The following POLR1D variants were observed in gnomAD, a reference collection of about 807,000 sequenced individuals.
POLR1D encodes the protein RNA polymerase I and III subunit D.
POLR1D carries 8 observed loss-of-function variants against 10.8 expected under a neutral mutation model. The ratio of observed to expected loss-of-function variants is 0.74; its 90% confidence interval spans 0.43 to 1.33. The LOEUF is 1.33. POLR1D is among the 40% of genes most tolerant of loss of function. The pLI, the probability that POLR1D is intolerant of heterozygous loss-of-function variation, is 0.01. For synonymous variants in POLR1D, 54 were observed against 57.2 expected, an observed-to-expected ratio of 0.94 and a Z score of 0.25; for missense variants, 152 against 161.7, an observed-to-expected ratio of 0.94 and a Z score of 0.32.
At chr13:27,636,447 C>A (rs770059097) in intron 1 of POLR1D, among the ~76,000 whole-genome samples, 1 of 152,002 alleles carries the variant, frequency 6.6e-6, no homozygotes, top group Admixed American at 6.5e-5. Context: ...TGGATCTTTA[C>A]CCAAACATTT....
At chr13:27,631,949 A>C (rs552020170) in intron 1 of POLR1D, among the ~76,000 whole-genome samples, 32 of 152,300 alleles carry the variant, frequency 2.1e-4, no homozygotes, top group African/African-American at 7.5e-4. Flanking sequence ...AAAATTATTG[A>C]GTGGGACAAG....
upstream of POLR1D, chr13:27,621,781 C>T (rs1368074307): frequency 9.6e-6 from 4 of 418,698 alleles, no homozygotes; most frequent in African/African-American, 6.3e-5. Flanking sequence ...CACCCCGCGT[C>T]GGGGCGGGGG....
chr13:27,626,613 G>A (rs980833181), downstream of POLR1D, among the ~76,000 whole-genome samples: 1 of 152,212 alleles, frequency 6.6e-6, no homozygotes, highest in African/African-American at 2.4e-5. Flanking sequence ...CCTGTGAAAA[G>A]TTAATCCGCA....
chr13:27,622,950 A>T lies in POLR1D; in HGVS notation c.102A>T (p.Gly34=). The change falls in exon 2 of 2, where the codon GGA becomes GGT. Residue 34 remains glycine, a synonymous_variant. Transcript: ENST00000302979. The part of the protein sequence containing the change: ...KTALEMVQAA[G]TDRHCVTFVL... ...CCCTGGAAATGGTCCAGGCAGCTGG[A>T]ACAGATAGACACTGTGTGACATTTG... 6.2e-7 allele frequency: 1 copy of T among 1,613,722 alleles called. No homozygotes were observed. Among genetic ancestry groups the T allele is most frequent in the Non-Finnish European group, 8.5e-7 (1 of 1,179,586 alleles).
At chr13:27,638,206 C>T (rs1041372667) in intron 1 of POLR1D, among the ~76,000 whole-genome samples, 2 of 152,194 alleles carry the variant, frequency 1.3e-5, no homozygotes, top group Admixed American at 1.3e-4. Flanking sequence ...TTCATCATCT[C>T]TTGCCTCTAA....
At chr13:27,635,184 C>T (rs570833219) in intron 1 of POLR1D, among the ~76,000 whole-genome samples, 3 of 152,006 alleles carry the variant, frequency 2.0e-5, no homozygotes, top group Non-Finnish European at 2.9e-5. Context: ...GTTAAGAACC[C>T]AAATAAAGGT....
intron 2 of POLR1D, chr13:27,664,817 C>T (rs1163053465): frequency 6.6e-6 from 1 of 152,102 alleles, no homozygotes; most frequent in Non-Finnish European, 1.5e-5. Context: ...ACCAGCCACC[C>T]TGAATAACAT....
intron 1 of POLR1D, among the ~76,000 whole-genome samples, chr13:27,642,793 A>T (rs1231611453): frequency 6.6e-6 from 1 of 152,228 alleles, no homozygotes; most frequent in South Asian, 2.1e-4. Context: ...TTTTATCCTC[A>T]TAACAACCCT....
chr13:27,643,840 T>C (rs78836899), intron 1 of POLR1D, among the ~76,000 whole-genome samples: 1,635 of 152,326 alleles, frequency 0.011, 28 homozygotes, highest in African/African-American at 0.038. Flanking sequence ...CAAATGATGC[T>C]GTACTCATTT....
downstream of POLR1D, among the ~76,000 whole-genome samples, chr13:27,627,173 T>A (rs760237310): frequency 7.9e-5 from 12 of 152,204 alleles, no homozygotes; most frequent in Non-Finnish European, 1.8e-4. Context: ...TGCTTTCAAG[T>A]ACTTATTAAG....
chr13:27,640,884 T>G (rs569975848), intron 1 of POLR1D, among the ~76,000 whole-genome samples: 5 of 152,226 alleles, frequency 3.3e-5, no homozygotes, highest in Non-Finnish European at 5.9e-5. Flanking sequence ...TGCCTCTTCC[T>G]GTATACTTTA....
upstream of POLR1D, chr13:27,621,866 G>A: frequency 1.8e-6 from 2 of 1,092,252 alleles, no homozygotes; most frequent in East Asian, 2.6e-5. Flanking sequence ...CCCTCCTTCC[G>A]TCCTCCGCGC....
exon 3 of POLR1D, chr13:27,665,730 A>G (rs777866161): frequency 6.2e-7 from 1 of 1,613,444 alleles, no homozygotes; most frequent in Non-Finnish European, 8.5e-7. Context: ...TTTCTAATTA[A>G]CACAATTAAA....
At chr13:27,646,491 G>A (rs573950690) in intron 1 of POLR1D, among the ~76,000 whole-genome samples, 1 of 152,300 alleles carries the variant, frequency 6.6e-6, no homozygotes, top group East Asian at 1.9e-4. Context: ...TCCATAAGAG[G>A]TTGGGCTGCG....
At chr13:27,627,705 C>T (rs1230546412), downstream of POLR1D, among the ~76,000 whole-genome samples, 4 of 147,234 alleles carry the variant, frequency 2.7e-5, no homozygotes, top group African/African-American at 7.5e-5. Context: ...GATTCTTGAG[C>T]TAGAACTGCC....
intron 1 of POLR1D, among the ~76,000 whole-genome samples, chr13:27,635,729 T>C (rs200615707): frequency 4.2e-5 from 5 of 119,818 alleles, no homozygotes; most frequent in African/African-American, 1.1e-4. Flanking sequence ...TATATATACA[T>C]ACACACATAT....
upstream of POLR1D, chr13:27,620,960 T>TG (rs1733252780): frequency 6.6e-6 from 1 of 152,442 alleles, no homozygotes; most frequent in Admixed American, 6.6e-5. Flanking sequence ...GAAACGTAGT[T>TG]GCGCTGGACA....
intron 1 of POLR1D, among the ~76,000 whole-genome samples, chr13:27,635,735 C>T (rs944072262): frequency 2.5e-5 from 3 of 120,466 alleles, no homozygotes; most frequent in African/African-American, 5.4e-5. Flanking sequence ...TACATACACA[C>T]ATATATATAT....
chr13:27,623,268 A>G lies in POLR1D; in HGVS notation c.*18A>G. 1 of 1,613,116 alleles carries G rather than the reference A, an allele frequency of 6.2e-7. No individual in the cohort carries two copies. Among genetic ancestry groups the G allele is most frequent in the Non-Finnish European group, 8.5e-7 (1 of 1,179,902 alleles). Reference sequence around the variant, plus strand: ...CATTCTAGTCCTTTATGCAGTATACAAGGAGAACTGTCCTGTAGGATATTC... The same window carrying G: ...CATTCTAGTCCTTTATGCAGTATACGAGGAGAACTGTCCTGTAGGATATTC... On this transcript the variant is annotated 3_prime_UTR_variant, in exon 2 of 2. Transcript: ENST00000302979.
Sources: gnomAD v4.1 joint callset for allele counts (sites outside exome capture counted in the v4.1 genomes callset) on GRCh38, gnomAD v4.1.1 for gene constraint, MANE v1.5 for transcripts, NCBI Gene and HGNC (gene_info 2026-07-23, HGNC 2026-07-21) for gene names.